The following PLCB3 variants were observed in gnomAD, a reference collection of about 807,000 sequenced individuals.
The protein encoded by PLCB3 is phospholipase C beta 3.
In PLCB3, 54 loss-of-function variants were observed where a neutral mutation model predicts 152.1. That is an observed-to-expected ratio of 0.36 (90% CI 0.29 to 0.45). PLCB3 has a LOEUF of 0.45. PLCB3 is among the 20% of genes least tolerant of loss of function. The pLI, the probability that PLCB3 is intolerant of heterozygous loss-of-function variation, is 1.00. For synonymous variants in PLCB3, 717 were observed against 698.7 expected, an observed-to-expected ratio of 1.03 and a Z score of -0.41; for missense variants, 1,248 against 1,687.5, an observed-to-expected ratio of 0.74 and a Z score of 4.56.
In PLCB3 at chr11:64,265,900, A is replaced by C. The variant is rs1222486691; in HGVS notation, c.3050A>C (p.Asp1017Ala). The C allele has an allele frequency of 6.2e-7, 1 of 1,612,948 alleles. No individual in the cohort carries two copies. The highest frequency in any genetic ancestry group is 1.7e-5 in the Admixed American group (1 of 60,010). Reference protein sequence around the residue: ...LRPGALGGAADVEDTKEGEDE... With the variant: ...LRPGALGGAAAVEDTKEGEDE... ...TCTCCTCGCAGAGGTGGGGCCGCTG[A>C]TGTGGAGGACACGAAGGAGGGGGAG... Residue 1017 changes from aspartate (D) to alanine (A), a missense_variant, in exon 26 of 31, where the codon GAT becomes GCT. Physicochemically the swap from Asp to Ala is moderately radical, Grantham distance 126 (BLOSUM62 -2). Coordinates refer to ENST00000279230, the MANE Select transcript of PLCB3 (RefSeq NM_000932.5).
At position 64,266,421 on chromosome 11, in the gene PLCB3, C is replaced by CG. The variant is rs752839511; in HGVS notation, c.3356+22dup. On this transcript the variant is annotated intron_variant, in intron 28 of 30. Transcript: ENST00000279230. The surrounding 1 kb of genome is among the most constrained non-coding windows in gnomAD (Gnocchi z 4.9). ...GAAGGAGGCGTAAGGGCACCGGGAC[C>CG]GGGGGCCATCTGGGTACTGGGGAGG... 2.1e-5 allele frequency: 34 copies of CG among 1,599,678 alleles called. No individual in the cohort carries two copies. The South Asian group carries it at 3.6e-4, about 17-fold the overall frequency.
intron 25 of PLCB3, 57 bp downstream of exon 25, chr11:64,265,559 G>C: frequency 6.6e-7 from 1 of 1,523,698 alleles, no homozygotes; most frequent in East Asian, 2.4e-5. Context: ...TGTGAACATG[G>C]GGGTCGGTGG....
chr11:64,258,808 C>G lies in PLCB3; in HGVS notation c.1254-77C>G. On this transcript the variant is annotated intron_variant, in intron 11 of 30. Transcript: ENST00000279230. The surrounding 1 kb of genome is among the most constrained non-coding windows in gnomAD (Gnocchi z 7.2). ...GCTCAGGGACCTCCAACCCTGCGAA[C>G]GGCCACTGACATGTCCCGTAGACCT... 6.2e-7 allele frequency: 1 copy of G among 1,601,372 alleles called. No homozygotes were observed.
In PLCB3 at chr11:64,258,598, G is replaced by A. The variant is rs1341018158; in HGVS notation, c.1138G>A (p.Gly380Ser). The A allele has an allele frequency of 1.2e-6, 2 of 1,614,098 alleles. No homozygotes were observed. The highest frequency in any genetic ancestry group is 8.5e-7 in the Non-Finnish European group (1 of 1,180,032). ...TGAGGAGGAACCCTTCATTACCCAC[G>A]GCTTCACCATGACCACAGAGGTGCC... ...PPEEEPFITH[G>S]FTMTTEVPLR... Residue 380 changes from glycine to serine, a missense_variant, in exon 11 of 31, where the codon GGC becomes AGC. Transcript: ENST00000279230. This position sits in a 1 kb window ranked among gnomAD's most constrained non-coding sequence, Gnocchi z 7.2.
Position 64,266,326 on chromosome 11 carries a change from A to T in PLCB3, c.3278A>T (p.Glu1093Val), listed in dbSNP as rs763710295. 1 of 1,612,656 alleles carries T rather than the reference A, an allele frequency of 6.2e-7. No individual in the cohort carries two copies. Among genetic ancestry groups the T allele is most frequent in the Non-Finnish European group, 8.5e-7 (1 of 1,179,758 alleles). Residue 1093 changes from glutamate (E) to valine (V), a missense_variant, in exon 28 of 31, where the codon GAG becomes GTG. This residue lies in a region of PLCB3 where 477 missense variants were observed against 489.6 expected (regional missense o/e 0.97). Transcript: ENST00000279230. The surrounding 1 kb of genome is among the most constrained non-coding windows in gnomAD (Gnocchi z 4.9). ...GCCGGCTTCTCCAGGGAGAAGAAGGAGCTGCAGAAGATCCTGGACAGAAAG... is the reference window on the plus strand; with the variant it reads ...GCCGGCTTCTCCAGGGAGAAGAAGGTGCTGCAGAAGATCCTGGACAGAAAG... ...LKEMNEREKK[E>V]LQKILDRKRH...
In PLCB3 at chr11:64,255,632, A is replaced by AATGGGGGGGGGG; in HGVS notation, c.597+16_597+17insATGGGGGGGGGG. On this transcript the variant is annotated intron_variant, in intron 7 of 30. Coordinates refer to ENST00000279230, the MANE Select transcript of PLCB3 (RefSeq NM_000932.5). This position sits in a 1 kb window ranked among gnomAD's most constrained non-coding sequence, Gnocchi z 6.8. ...ATTCAACCGGGTGTGTGGGGTGGGG[A>AATGGGGGGGGGG]CAGGGGCGGGGTGGGGTGTCACGGT... is the stretch of plus-strand genomic sequence containing the variant. The AATGGGGGGGGGG allele has an allele frequency of 8.8e-7, 1 of 1,134,992 alleles. No homozygotes were observed. The highest frequency in any genetic ancestry group is 1.3e-6 in the Non-Finnish European group (1 of 767,642). 70.3% of individuals were successfully genotyped at this position (1,134,992 alleles called of 1,614,324 possible).
chr11:64,257,013 T>TC (rs2031572941), intron 10 of PLCB3, among the ~76,000 whole-genome samples: 1 of 140,090 alleles, frequency 7.1e-6, no homozygotes, highest in Non-Finnish European at 1.6e-5. Context: ...TTTTTTTTTT[T>TC]TTTTTTTTGA....
chr11:64,255,565 C>T lies in PLCB3; in HGVS notation c.546C>T (p.Asp182=), dbSNP rs778695271. 1.3e-6 allele frequency: 2 copies of T among 1,591,968 alleles called. No individual in the cohort carries two copies. The highest frequency in any genetic ancestry group is 1.7e-6 in the Non-Finnish European group (2 of 1,166,702). The change falls in exon 7 of 31, where the codon GAC becomes GAT. Residue 182 remains aspartate (D), a synonymous_variant. Transcript: ENST00000279230. This position sits in a 1 kb window ranked among gnomAD's most constrained non-coding sequence, Gnocchi z 6.8. ...VKNILKMFSA[D]KKRVETALES... is the part of the protein sequence containing the mutation. ...GCATCCTGAAGATGTTCTCAGCAGA[C>T]AAGAAGCGGGTGGAGACTGCGCTGG...
Position 64,258,540 on chromosome 11 carries a change from C to T in PLCB3, c.1080C>T (p.Cys360=), listed in dbSNP as rs941694561. 1.5e-5 allele frequency: 25 copies of T among 1,613,746 alleles called. No individual in the cohort carries two copies. The highest frequency in any genetic ancestry group is 1.9e-5 in the Non-Finnish European group (23 of 1,179,974). Residue 360 remains cysteine (C), a synonymous_variant, in exon 11 of 31, where the codon TGC becomes TGT. Transcript: ENST00000279230. The surrounding 1 kb of genome is among the most constrained non-coding windows in gnomAD (Gnocchi z 7.2). The part of the protein sequence containing the change: ...YRQALLWGCR[C]VELDVWKGRP... ...AGGCACTACTATGGGGCTGCCGCTG[C>T]GTGGAGCTGGACGTGTGGAAGGGAC...
chr11:64,257,531 C>T (rs181491606), intron 10 of PLCB3, among the ~76,000 whole-genome samples: 6 of 151,844 alleles, frequency 4.0e-5, no homozygotes, highest in African/African-American at 9.7e-5. Flanking sequence ...GTGGGAGTAT[C>T]GCTTGGTTCT....
chr11:64,261,359 T>G (rs995540890), intron 14 of PLCB3, 41 bp from the exon 15 acceptor site: 1 of 1,440,666 alleles, frequency 6.9e-7, no homozygotes, highest in African/African-American at 1.4e-5. Flanking sequence ...TGGCCAGCTG[T>G]GGCGGGAATG....
Position 64,255,171 on chromosome 11 carries a change from G to T in PLCB3, c.388-63G>T. The T allele has an allele frequency of 3.9e-6, 6 of 1,534,112 alleles. No homozygotes were observed. Among genetic ancestry groups the T allele is most frequent in the Non-Finnish European group, 5.4e-6 (6 of 1,108,912 alleles). On this transcript the variant is annotated intron_variant, in intron 4 of 30. Coordinates refer to ENST00000279230, the MANE Select transcript of PLCB3 (RefSeq NM_000932.5). This position sits in a 1 kb window ranked among gnomAD's most constrained non-coding sequence, Gnocchi z 6.8. ...GTACCAGAGGCAGTTGTGGACCTGG[G>T]TTGTGGCTGGGCAGCCCCTGTGTCC...
chr11:64,260,425 C>T (rs1231001892), intron 14 of PLCB3, among the ~76,000 whole-genome samples, 191 bp downstream of exon 14: 3 of 151,996 alleles, frequency 2.0e-5, no homozygotes, highest in African/African-American at 7.3e-5. Flanking sequence ...GGTGATGTGG[C>T]CTGGGAGGTG....
In PLCB3 at chr11:64,255,906, G is replaced by C. The variant is rs2031505109; in HGVS notation, c.698+85G>C. 4.7e-6 allele frequency: 5 copies of C among 1,064,826 alleles called. No individual in the cohort carries two copies. The highest frequency in any genetic ancestry group is 4.7e-5 in the East Asian group (2 of 42,106). The allele number at this position is 1,064,826 out of a possible 1,614,324, so 66.0% of individuals were successfully genotyped here. ...TGCCTCTAGCTCAATGGGGAGAGGGGAAACTGGTGGGCCGGGTCCTGGAGC... is the reference window on the plus strand; with the variant it reads ...TGCCTCTAGCTCAATGGGGAGAGGGCAAACTGGTGGGCCGGGTCCTGGAGC... On this transcript the variant is annotated intron_variant, in intron 8 of 30. Transcript: ENST00000279230. This position sits in a 1 kb window ranked among gnomAD's most constrained non-coding sequence, Gnocchi z 6.8.
rs772558517 is a variant in PLCB3 at position 64,255,613 on chromosome 11, C to T, written c.594C>T (p.Asn198=). The change falls in exon 7 of 31, where the codon AAC becomes AAT. Residue 198 remains asparagine (N), a synonymous_variant. Transcript: ENST00000279230. This position sits in a 1 kb window ranked among gnomAD's most constrained non-coding sequence, Gnocchi z 6.8. ...TGGAATCCTGTGGCCTCAAATTCAA[C>T]CGGGTGTGTGGGGTGGGGACAGGGG... ...TALESCGLKF[N]RSESIRPDEF... is the part of the protein sequence containing the mutation. 3.5e-6 allele frequency: 5 copies of T among 1,439,216 alleles called. No individual in the cohort carries two copies. In the East Asian group the frequency reaches 8.3e-5, roughly 24 times the overall value. The allele number at this position is 1,439,216 out of a possible 1,614,324, so 89.2% of individuals were successfully genotyped here. A position where few individuals can be genotyped will look rare whatever the true frequency, so the allele number is the denominator to read the frequency against.
Position 64,263,731 on chromosome 11 carries a change from G to A in PLCB3, c.2496G>A (p.Pro832=), listed in dbSNP as rs1395293418. 28 of 1,613,274 alleles carry A rather than the reference G, an allele frequency of 1.7e-5. No individual in the cohort carries two copies. The highest frequency in any genetic ancestry group is 6.7e-5 in the African/African-American group (5 of 74,950). Residue 832 remains proline (P), a synonymous_variant, in exon 21 of 31, where the codon CCG becomes CCA. Coordinates refer to ENST00000279230, the MANE Select transcript of PLCB3 (RefSeq NM_000932.5). The part of the protein sequence containing the change: ...YVCLRNEANQ[P]LCLPALLIYT... ...GCCTGCGGAACGAGGCCAACCAACC[G>A]CTGTGCCTGCCGGCCCTGCTCATCT...
At chr11:64,253,693 G>T (rs1294015045) in intron 1 of PLCB3, among the ~76,000 whole-genome samples, 1 of 152,162 alleles carries the variant, frequency 6.6e-6, no homozygotes, top group African/African-American at 2.4e-5. Context: ...GCCAGGGACC[G>T]GGCCCTTCTT....
At chr11:64,251,795 G>A (rs956081360) in intron 1 of PLCB3, 47 bp downstream of exon 1, 6 of 1,151,288 alleles carry the variant, frequency 5.2e-6, no homozygotes, top group African/African-American at 1.6e-5. Flanking sequence ...GACTCTTTCA[G>A]TCAAGCTCGA....
rs2032110223 is a variant in PLCB3, at chr11:64,266,157, A to G, written c.3221A>G (p.Asp1074Gly). 1 of 1,614,084 alleles carries G rather than the reference A, an allele frequency of 6.2e-7. No homozygotes were observed. Among genetic ancestry groups the G allele is most frequent in the Non-Finnish European group, 8.5e-7 (1 of 1,180,010 alleles). Residue 1074 changes from aspartate to glycine, a missense_variant, in exon 27 of 31, where the codon GAT becomes GGT. Physicochemically the swap from Asp to Gly is moderately conservative, Grantham distance 94. Around this residue, in one of 6 missense-constraint regions of PLCB3, gnomAD observed 477 missense variants for 489.6 expected, o/e 0.97. Transcript: ENST00000279230. This position sits in a 1 kb window ranked among gnomAD's most constrained non-coding sequence, Gnocchi z 4.9. ...CAGCGGCTCAGGGAGGTCGTCCTTGATGCAAACACAACTCAGTTCAAGAGG... is the reference window on the plus strand; with the variant it reads ...CAGCGGCTCAGGGAGGTCGTCCTTGGTGCAAACACAACTCAGTTCAAGAGG... ...ALQRLREVVLDANTTQFKRLK... is the reference protein window; with the variant it reads ...ALQRLREVVLGANTTQFKRLK...
Sources: gnomAD v4.1 joint callset for allele counts (sites outside exome capture counted in the v4.1 genomes callset) on GRCh38, gnomAD v4.1.1 for gene constraint, gnomAD v4.1.1 regional missense constraint, Gnocchi (gnomAD v3.1) non-coding constraint, MANE v1.5 for transcripts, NCBI Gene and HGNC (gene_info 2026-07-23, HGNC 2026-07-21) for gene names.